The following COL4A6 variants were observed in gnomAD, a reference collection of about 807,000 sequenced individuals.
The protein encoded by COL4A6 is collagen alpha-6(IV) chain.
COL4A6 carries 59 observed loss-of-function variants against 126.7 expected under a neutral mutation model. The ratio of observed to expected loss-of-function variants is 0.47; its 90% CI spans 0.38 to 0.58. COL4A6 has a LOEUF of 0.58. Among genes scored for constraint, COL4A6 ranks in the 20% least tolerant of loss-of-function variants. COL4A6 has a pLI of 0.00. For synonymous variants in COL4A6, 547 were observed against 496.6 expected, an observed-to-expected ratio of 1.10 and a Z score of -1.35; for missense variants, 1,285 against 1,337.3, an observed-to-expected ratio of 0.96 and a Z score of 0.61.
intron 35 of COL4A6, 109 bp from the exon 36 acceptor site, chrX:108,170,125 C>T (rs964995225): frequency 6.0e-6 from 4 of 670,482 alleles, no homozygotes; most frequent in Non-Finnish European, 9.2e-6. Flanking sequence ...ATTTTAAAGT[C>T]CTGGTCTTTT....
At chrX:108,314,327 A>G (rs922448439) in intron 2 of COL4A6, among the ~76,000 whole-genome samples, 5 of 112,027 alleles carry the variant, frequency 4.5e-5, no homozygotes, top group Admixed American at 3.8e-4. Flanking sequence ...CTTGGGTCAC[A>G]CTGTTAACAA....
intron 2 of COL4A6, among the ~76,000 whole-genome samples, chrX:108,331,638 T>C (rs962263839): frequency 1.8e-5 from 2 of 111,828 alleles, no homozygotes; most frequent in African/African-American, 6.5e-5. Flanking sequence ...CACTCAGTTG[T>C]GGAAACTAGC....
chrX:108,178,525 C>A (rs1469049727), intron 27 of COL4A6, among the ~76,000 whole-genome samples, 159 bp downstream of exon 27: 1 of 112,573 alleles, frequency 8.9e-6, no homozygotes, highest in African/African-American at 3.2e-5. Context: ...CTTGGTACTG[C>A]AAGGGTGACT....
chrX:108,331,633 A>T (rs965816031), intron 2 of COL4A6, among the ~76,000 whole-genome samples: 2 of 111,865 alleles, frequency 1.8e-5, no homozygotes, highest in African/African-American at 6.5e-5. Context: ...TAGCCCACTC[A>T]GTTGTGGAAA....
At chrX:108,280,214 T>C (rs181208472) in intron 3 of COL4A6, among the ~76,000 whole-genome samples, 3,297 of 111,095 alleles carry the variant, frequency 0.03, 117 homozygotes, top group African/African-American at 0.1. Context: ...AGCTGGTTTT[T>C]TGAAAGGATC....
intron 11 of COL4A6, 87 bp downstream of exon 11, chrX:108,205,352 C>T: frequency 2.5e-6 from 2 of 785,433 alleles, no homozygotes; most frequent in South Asian, 4.5e-5. Flanking sequence ...AAAACAAATC[C>T]TCTTACACAA....
intron 2 of COL4A6, among the ~76,000 whole-genome samples, chrX:108,418,420 C>T (rs145941990): frequency 9.0e-6 from 1 of 111,420 alleles, no homozygotes; most frequent in East Asian, 2.8e-4. Flanking sequence ...GCAGATTGGC[C>T]ACAAGTTGAT....
chrX:108,228,065 C>T (rs1299547257), intron 3 of COL4A6, among the ~76,000 whole-genome samples: 3 of 112,167 alleles, frequency 2.7e-5, no homozygotes, highest in South Asian at 3.7e-4. Flanking sequence ...TACCCAAGTT[C>T]ATACAACATC....
In COL4A6 at chrX:108,239,770, C is replaced by A. The variant is rs780353016; in HGVS notation, c.145-18396G>T. Among the ~76,000 whole-genome samples, 34 of 111,821 alleles carry A rather than the reference C, an allele frequency of 3.0e-4. No individual in the cohort carries two copies. In the South Asian group the frequency reaches 0.012, roughly 40 times the overall value. On this transcript the variant is annotated intron_variant, in intron 3 of 44. Coordinates refer to ENST00000334504, the MANE Select transcript of COL4A6 (RefSeq NM_033641.4). ...GTTTACTGGCCTTTTACTGTGCACT[C>A]CTACTTATTACTAATAATAATATGT...
At position 108,159,494 on chromosome X, in the gene COL4A6, G is replaced by A. The variant is rs761666169; in HGVS notation, c.4780C>T (p.Arg1594Cys). The A allele has an allele frequency of 1.1e-5, 13 of 1,212,165 alleles. No individual in the cohort carries two copies. The East Asian group carries it at 1.2e-4, about 11-fold the overall frequency. Residue 1594 changes from arginine to cysteine, a missense_variant, in exon 44 of 45, where the codon CGC (arginine) becomes TGC (cysteine). Transcript: ENST00000334504. ...ITIPQCPLGW[R>C]SLWIGYSFLM... ...AAAGAGTACCCAATCCAGAGGCTGC[G>A]CCAGCCCAGGGGGCACTGCGGGATG... is the stretch of plus-strand genomic sequence containing the variant.
chrX:108,319,839 T>A (rs1319437055), intron 2 of COL4A6, among the ~76,000 whole-genome samples: 5 of 111,805 alleles, frequency 4.5e-5, no homozygotes, highest in Non-Finnish European at 9.4e-5. Flanking sequence ...TTTGTTAAGA[T>A]TGGAGATATT....
intron 2 of COL4A6, among the ~76,000 whole-genome samples, chrX:108,429,160 T>C (rs1167938462): frequency 8.9e-6 from 1 of 112,300 alleles, no homozygotes; most frequent in Non-Finnish European, 1.9e-5. Context: ...AAAAGTGCTA[T>C]GCTGATTACA....
At position 108,162,842 on chromosome X, in the gene COL4A6, A is replaced by C. The variant is rs143427608; in HGVS notation, c.4216+50T>G. The C allele has an allele frequency of 1.7e-3, 1,915 of 1,101,336 alleles. 2 individuals are homozygous for C. Among genetic ancestry groups the C allele is most frequent in the Admixed American group, 2.4e-3 (68 of 28,367 alleles). 90.8% of individuals were successfully genotyped at this position (1,101,336 alleles called of 1,213,427 possible). A position where few individuals can be genotyped will look rare whatever the true frequency, so the allele number is the denominator to read the frequency against. ...GGACATCCAAGCCAGCCTCTCAGCC[A>C]AACTGTCTCAACTCCCCAACAAATC... is the stretch of plus-strand genomic sequence containing the variant. On this transcript the variant is annotated intron_variant, in intron 41 of 44. Coordinates refer to ENST00000334504, the MANE Select transcript of COL4A6 (RefSeq NM_033641.4).
chrX:108,174,606 G>T lies in COL4A6; in HGVS notation c.2972C>A (p.Ala991Asp), dbSNP rs2034419574. Residue 991 changes from alanine to aspartate, a missense_variant, in exon 31 of 45, where the codon GCT (alanine) becomes GAT (aspartate). Ala to Asp is a moderately radical substitution (Grantham distance 126). Transcript: ENST00000334504. Reference protein sequence around the residue: ...FPGPRGDKGEAGRPGPPGLPG... With the variant: ...FPGPRGDKGEDGRPGPPGLPG... ...TAGGCCTGGTGGTCCAGGTCGACCA[G>T]CCTCTCCTTTGTCACCTGTAAAAGA... 1 of 1,168,770 alleles carries T rather than the reference G, an allele frequency of 8.6e-7. No homozygotes were observed. Among genetic ancestry groups the T allele is most frequent in the African/African-American group, 1.8e-5 (1 of 54,694 alleles).
At chrX:108,365,503 A>G (rs2040180574) in intron 2 of COL4A6, among the ~76,000 whole-genome samples, 1 of 111,736 alleles carries the variant, frequency 8.9e-6, no homozygotes, top group Admixed American at 9.5e-5. Context: ...TGTGGTATTG[A>G]AAGTAGGTAA....
intron 3 of COL4A6, among the ~76,000 whole-genome samples, chrX:108,298,475 C>T (rs757245964): frequency 9.0e-6 from 1 of 111,602 alleles, no homozygotes; most frequent in South Asian, 3.9e-4. Context: ...TGGGCGGCCT[C>T]ACCACTGACC....
chrX:108,373,818 C>T (rs1271872447), intron 2 of COL4A6, among the ~76,000 whole-genome samples: 2 of 112,259 alleles, frequency 1.8e-5, no homozygotes, highest in African/African-American at 6.5e-5. Context: ...CTATAACTAG[C>T]TTAACTTCCT....
chrX:108,283,080 T>C (rs2037893766), intron 3 of COL4A6, among the ~76,000 whole-genome samples: 1 of 106,011 alleles, frequency 9.4e-6, no homozygotes, highest in African/African-American at 3.4e-5. Context: ...CACACCAGCA[T>C]GGCACATGTA....
chrX:108,332,550 C>T (rs1444580420), intron 2 of COL4A6, among the ~76,000 whole-genome samples: 1 of 111,831 alleles, frequency 8.9e-6, no homozygotes, highest in African/African-American at 3.2e-5. Context: ...AGCCAGACTG[C>T]TGTAAGAAGG....
Sources: allele counts gnomAD v4.1 joint callset (sites outside exome capture counted in the v4.1 genomes callset), GRCh38; gene constraint gnomAD v4.1.1; transcripts MANE v1.5; gene names NCBI Gene and HGNC (gene_info 2026-07-23, HGNC 2026-07-21).